SLC14A2: variants seen among roughly 807,000 people sequenced by gnomAD.
SLC14A2 encodes the protein urea transporter 2.
Under a neutral mutation model 104.6 loss-of-function variants are expected in SLC14A2, and 91 were observed. That is an observed-to-expected ratio of 0.87 (90% CI 0.73 to 1.04). SLC14A2 has a LOEUF of 1.04. SLC14A2 is among the 50% of genes least tolerant of loss of function. The pLI, the probability that SLC14A2 is intolerant of heterozygous loss-of-function variation, is 0.00. For synonymous variants in SLC14A2, 476 were observed against 466.4 expected, an observed-to-expected ratio of 1.02 and a Z score of -0.27; for missense variants, 1,189 against 1,156.0, an observed-to-expected ratio of 1.03 and a Z score of -0.41.
chr18:45,284,989 A>C (rs2084799066), intron 1 of SLC14A2, among the ~76,000 whole-genome samples: 2 of 151,968 alleles, frequency 1.3e-5, no homozygotes, highest in African/African-American at 4.8e-5. Context: ...TTTTAAATAA[A>C]CTTTTAATTC....
At chr18:45,560,284 G>A (rs1268879282) in intron 2 of SLC14A2, among the ~76,000 whole-genome samples, 2 of 152,292 alleles carry the variant, frequency 1.3e-5, no homozygotes, top group East Asian at 1.9e-4. Flanking sequence ...GAGTCTTAGA[G>A]AGGCTAAATA....
At chr18:45,608,601 T>C (rs1185508725) in intron 2 of SLC14A2, among the ~76,000 whole-genome samples, 2 of 152,248 alleles carry the variant, frequency 1.3e-5, no homozygotes, top group Non-Finnish European at 2.9e-5. Flanking sequence ...TTTCCAGTGA[T>C]GTCCAGACAA....
At chr18:45,668,238 A>G in intron 14 of SLC14A2, 111 bp from the exon 15 acceptor site, 1 of 1,431,518 alleles carries the variant, frequency 7.0e-7, no homozygotes, top group Non-Finnish European at 9.6e-7. Flanking sequence ...AGGGTGGTCT[A>G]TTTGAAGGCG....
At position 45,327,859 on chromosome 18, in the gene SLC14A2, G is replaced by A. The variant is rs141544525; in HGVS notation, c.-125+114668G>A. 7.0e-3 allele frequency among the ~76,000 whole-genome samples: 1,069 copies of A among 152,252 alleles called. 10 individuals carry two copies. Among genetic ancestry groups the A allele is most frequent in the Non-Finnish European group, 0.013 (861 of 68,010 alleles). ...TAGGAGTGAGCGAAGGGAATGATAA[G>A]GCTTGGTAAATTCATAGACAGCCTC... On this transcript the variant is annotated intron_variant, in intron 1 of 20. Coordinates refer to the SLC14A2 transcript ENST00000586448.
chr18:45,598,909 A>G (rs966269141), intron 2 of SLC14A2, among the ~76,000 whole-genome samples: 1 of 152,152 alleles, frequency 6.6e-6, no homozygotes, highest in African/African-American at 2.4e-5. Context: ...TTCTTACCCC[A>G]AGGGAAGGCT....
At chr18:45,525,765 A>G (rs1020591109) in intron 2 of SLC14A2, among the ~76,000 whole-genome samples, 2 of 152,214 alleles carry the variant, frequency 1.3e-5, no homozygotes, top group Admixed American at 1.3e-4. Context: ...ACTGGGACCC[A>G]TGAACATACA....
chr18:45,486,428 C>G (rs544975104), intron 2 of SLC14A2, among the ~76,000 whole-genome samples: 12 of 152,000 alleles, frequency 7.9e-5, no homozygotes, highest in African/African-American at 2.9e-4. Context: ...AACCAGCAGT[C>G]AGAACACTGC....
At chr18:45,193,823 A>G in the SLC14A2 span, among the ~76,000 whole-genome samples, 1 of 152,150 alleles carries the variant, frequency 6.6e-6, no homozygotes. Context: ...TTTTGAGAAT[A>G]TTGAGTTTTC....
chr18:45,475,311 T>TA (rs1044336865), intron 1 of SLC14A2, among the ~76,000 whole-genome samples: 10 of 152,146 alleles, frequency 6.6e-5, no homozygotes, highest in African/African-American at 2.2e-4. Context: ...AATTTTAGAA[T>TA]AAGTGCGATG....
chr18:45,666,482 G>A (rs1409647642), intron 12 of SLC14A2, among the ~76,000 whole-genome samples: 1 of 151,628 alleles, frequency 6.6e-6, no homozygotes, highest in African/African-American at 2.4e-5. Context: ...GCTGGTGCCT[G>A]TTTTCAAAAA....
chr18:45,346,218 C>A (rs1392372086), intron 1 of SLC14A2, among the ~76,000 whole-genome samples: 1 of 152,146 alleles, frequency 6.6e-6, no homozygotes, highest in African/African-American at 2.4e-5. Flanking sequence ...TACAGTGGCA[C>A]AATCTCAGCT....
intron 1 of SLC14A2, among the ~76,000 whole-genome samples, chr18:45,289,453 C>G (rs2084847808): frequency 6.6e-6 from 1 of 152,056 alleles, no homozygotes; most frequent in African/African-American, 2.4e-5. Context: ...AAAAATCTAC[C>G]TATCAATATG....
chr18:45,293,132 A>G (rs891379893), intron 1 of SLC14A2, among the ~76,000 whole-genome samples: 3 of 152,192 alleles, frequency 2.0e-5, no homozygotes, highest in Admixed American at 2.0e-4. Flanking sequence ...AACATATTTA[A>G]GGCAGTAATT....
intron 1 of SLC14A2, among the ~76,000 whole-genome samples, chr18:45,256,325 T>G (rs2084477944): frequency 6.6e-6 from 1 of 152,128 alleles, no homozygotes; most frequent in African/African-American, 2.4e-5. Flanking sequence ...AAAGCTAAAT[T>G]GTGGGGAAAA....
At chr18:45,410,271 C>T (rs1346144116) in intron 1 of SLC14A2, among the ~76,000 whole-genome samples, 1 of 152,182 alleles carries the variant, frequency 6.6e-6, no homozygotes, top group South Asian at 2.1e-4. Flanking sequence ...GGCCACAGAC[C>T]AGTACCAGTC....
At chr18:45,203,923 G>A in the SLC14A2 span, among the ~76,000 whole-genome samples, 1 of 152,172 alleles carries the variant, frequency 6.6e-6, no homozygotes, top group Non-Finnish European at 1.5e-5. Flanking sequence ...GCCTGTGTAG[G>A]TGCCAGAGCA....
chr18:45,503,069 G>T (rs544523056), intron 2 of SLC14A2, among the ~76,000 whole-genome samples: 1 of 152,228 alleles, frequency 6.6e-6, no homozygotes, highest in Middle Eastern at 3.4e-3. Flanking sequence ...GTCTTGCCCA[G>T]AGACCCTTGG....
intron 1 of SLC14A2, among the ~76,000 whole-genome samples, chr18:45,461,684 G>T (rs1222061989): frequency 1.3e-5 from 2 of 152,096 alleles, no homozygotes; most frequent in Non-Finnish European, 2.9e-5. Flanking sequence ...GACATGAAGG[G>T]CAACAAAAAG....
rs148984470 is a variant in SLC14A2 at position 45,638,664 on chromosome 18, C to T, written c.844-1082C>T. Among the ~76,000 whole-genome samples, 6 of 152,282 alleles carry T rather than the reference C, an allele frequency of 3.9e-5. No individual in the cohort carries two copies. The East Asian group carries it at 1.2e-3, about 29-fold the overall frequency. On this transcript the variant is annotated intron_variant, in intron 6 of 19. Coordinates refer to ENST00000255226, the MANE Select transcript of SLC14A2 (RefSeq NM_007163.4). ...ACAGCAAAGTTTGGGAACCACTGACCTAATCAATTCCTATTTGTTAAGCAC... is the reference window on the plus strand; with the variant it reads ...ACAGCAAAGTTTGGGAACCACTGACTTAATCAATTCCTATTTGTTAAGCAC...
Sources: allele counts gnomAD v4.1 joint callset (sites outside exome capture counted in the v4.1 genomes callset), GRCh38; gene constraint gnomAD v4.1.1; transcripts MANE v1.5; gene names NCBI Gene and HGNC (gene_info 2026-07-23, HGNC 2026-07-21).